The following ATP6V1C1 variants were observed in gnomAD, a reference collection of about 807,000 sequenced individuals.
ATP6V1C1 encodes the protein ATPase H+ transporting V1 subunit C1.
ATP6V1C1 carries 45 observed loss-of-function variants against 53.9 expected under a neutral mutation model. That is an observed-to-expected ratio of 0.83 (90% CI 0.66 to 1.07). The LOEUF is 1.07. Ranked by LOEUF, ATP6V1C1 falls within the 50% of genes least tolerant of loss-of-function variation. ATP6V1C1 has a pLI of 0.00. For synonymous variants in ATP6V1C1, 153 were observed against 155.2 expected (o/e 0.99, Z 0.11); for missense variants, 315 against 440.3 (o/e 0.72, Z 2.55).
intron 8 of ATP6V1C1, 108 bp from the exon 9 acceptor site, chr8:103,062,847 G>A: frequency 1.2e-6 from 1 of 820,036 alleles, no homozygotes; most frequent in Non-Finnish European, 2.0e-6. Flanking sequence ...GATTTGGGAA[G>A]GGCTATTATA....
intron 1 of ATP6V1C1, among the ~76,000 whole-genome samples, chr8:103,038,704 T>C (rs1402080339): frequency 6.6e-6 from 1 of 152,144 alleles, no homozygotes; most frequent in Non-Finnish European, 1.5e-5. Context: ...TAAAAATAGG[T>C]TGAATGAAAA....
chr8:103,028,399 G>T (rs1328305241), intron 1 of ATP6V1C1, among the ~76,000 whole-genome samples: 2 of 152,168 alleles, frequency 1.3e-5, no homozygotes, highest in African/African-American at 4.8e-5. Context: ...AAAGAAGCAG[G>T]ACTAGGGGTG....
intron 1 of ATP6V1C1, among the ~76,000 whole-genome samples, chr8:103,021,645 C>T (rs1334403684): frequency 3.5e-5 from 1 of 28,366 alleles, no homozygotes; most frequent in Non-Finnish European, 6.8e-5. Flanking sequence ...GCGCGGGTGT[C>T]GGGGGTCGGG....
At chr8:103,030,192 A>G (rs969512548) in intron 1 of ATP6V1C1, among the ~76,000 whole-genome samples, 3 of 152,118 alleles carry the variant, frequency 2.0e-5, no homozygotes, top group African/African-American at 7.2e-5. Context: ...TGTTAGTACA[A>G]AAGCAATACA....
chr8:103,034,853 G>A (rs1248552767), intron 1 of ATP6V1C1, among the ~76,000 whole-genome samples: 3 of 152,172 alleles, frequency 2.0e-5, no homozygotes, highest in Non-Finnish European at 2.9e-5. Flanking sequence ...TTACAGGTGT[G>A]AGCCACTGTG....
intron 3 of ATP6V1C1, among the ~76,000 whole-genome samples, chr8:103,046,207 TTTTA>T (rs1245832665): frequency 6.6e-6 from 1 of 152,096 alleles, no homozygotes; most frequent in African/African-American, 2.4e-5. Flanking sequence ...AGATTTTAAA[TTTTA>T]TTTATTTTTT....
At chr8:103,043,232 A>G (rs1402365693) in intron 3 of ATP6V1C1, among the ~76,000 whole-genome samples, 1 of 152,070 alleles carries the variant, frequency 6.6e-6, no homozygotes, top group Admixed American at 6.5e-5. Context: ...GAAGATTCTC[A>G]TTTCTCTACA....
At chr8:103,022,615 A>G (rs1295376406) in intron 1 of ATP6V1C1, among the ~76,000 whole-genome samples, 1 of 152,190 alleles carries the variant, frequency 6.6e-6, no homozygotes, top group Non-Finnish European at 1.5e-5. Flanking sequence ...GATTTTAAAA[A>G]GGCATTGCTA....
chr8:103,035,479 T>C (rs943455581), intron 1 of ATP6V1C1, among the ~76,000 whole-genome samples: 12 of 152,168 alleles, frequency 7.9e-5, no homozygotes, highest in Non-Finnish European at 5.9e-5. Flanking sequence ...GAGGAAAATA[T>C]GTTATAAAAA....
Position 103,040,115 on chromosome 8 carries a change from T to C in ATP6V1C1, c.-39-683T>C, listed in dbSNP as rs369548764. Among the ~76,000 whole-genome samples, 13 of 152,304 alleles carry C rather than the reference T, an allele frequency of 8.5e-5. No individual in the cohort carries two copies. In the East Asian group the frequency reaches 1.7e-3, roughly 20 times the overall value. On this transcript the variant is annotated intron_variant, in intron 1 of 12. Coordinates refer to ENST00000518738, the MANE Select transcript of ATP6V1C1 (RefSeq NM_001695.5). The stretch of plus-strand genomic sequence containing the variant: ...AATTCTTTCTCCAAGATAAAAGTTA[T>C]GCTTTTTTTTTCTTTTTTTAAATTT...
intron 5 of ATP6V1C1, among the ~76,000 whole-genome samples, chr8:103,052,420 T>C (rs1426711320): frequency 1.3e-5 from 2 of 152,128 alleles, no homozygotes; most frequent in Non-Finnish European, 2.9e-5. Flanking sequence ...AATTGAAGCC[T>C]TGTAAATAGT....
chr8:103,063,224 A>G lies in ATP6V1C1; in HGVS notation c.824A>G (p.Gln275Arg). Residue 275 changes from glutamine to arginine, a missense_variant, in exon 10 of 13, where the codon CAA (glutamine) becomes CGA (arginine). Gln to Arg is a conservative substitution (Grantham distance 43, BLOSUM62 1). Transcript: ENST00000518738. ...AGGCTTTCTACTGATAAGAAAAAAC[A>G]ATTTGTATGTGTTTTTAATATTTAG... ...MNRLSTDKKKQFGPLVRWLKV... is the reference protein window; with the variant it reads ...MNRLSTDKKKRFGPLVRWLKV... 6.3e-7 allele frequency: 1 copy of G among 1,581,362 alleles called. No individual in the cohort carries two copies. The highest frequency in any genetic ancestry group is 8.7e-7 in the Non-Finnish European group (1 of 1,154,336).
intron 3 of ATP6V1C1, among the ~76,000 whole-genome samples, chr8:103,046,440 G>T (rs1352344733): frequency 6.6e-6 from 1 of 151,958 alleles, no homozygotes; most frequent in Non-Finnish European, 1.5e-5. Context: ...TCAAACTCTT[G>T]GCCTCAAGCG....
In ATP6V1C1 at chr8:103,040,848, C is replaced by T. The variant is rs1314685918; in HGVS notation, c.12C>T (p.Phe4=). Residue 4 remains phenylalanine, a synonymous_variant, in exon 2 of 13, where the codon TTC becomes TTT. Coordinates refer to ENST00000518738, the MANE Select transcript of ATP6V1C1 (RefSeq NM_001695.5). ...ACCTAGTAACAAACATGACTGAGTT[C>T]TGGCTTATATCTGCTCCTGGGGAGA... is the stretch of plus-strand genomic sequence containing the variant. MTE[F]WLISAPGEKT... The T allele has an allele frequency of 6.2e-7, 1 of 1,613,884 alleles. No individual in the cohort carries two copies. The highest frequency in any genetic ancestry group is 8.5e-7 in the Non-Finnish European group (1 of 1,179,916).
rs1038312187 is a variant in ATP6V1C1 at position 103,045,538 on chromosome 8, AATT to A, written c.200+3140_200+3142del. On this transcript the variant is annotated intron_variant, in intron 3 of 12. Coordinates refer to ENST00000518738, the MANE Select transcript of ATP6V1C1 (RefSeq NM_001695.5). Reference sequence around the variant, plus strand: ...TAATTCCATATATTCATATAGAGCAAATTATTATTATGAATTATTATAAATATA... The same window carrying A: ...TAATTCCATATATTCATATAGAGCAAATTATTATGAATTATTATAAATATA... Among the ~76,000 whole-genome samples the A allele has an allele frequency of 2.6e-5, 4 of 152,238 alleles. No individual in the cohort carries two copies. The East Asian group carries it at 5.8e-4, about 22-fold the overall frequency.
chr8:103,032,474 C>G (rs1816815680), intron 1 of ATP6V1C1, among the ~76,000 whole-genome samples: 1 of 151,994 alleles, frequency 6.6e-6, no homozygotes, highest in Admixed American at 6.6e-5. Flanking sequence ...CTCCCCTCCC[C>G]TTCCTTTTTT....
chr8:103,040,406 A>G (rs1816975099), intron 1 of ATP6V1C1, among the ~76,000 whole-genome samples: 1 of 143,670 alleles, frequency 7.0e-6, no homozygotes, highest in Non-Finnish European at 1.5e-5. Flanking sequence ...AGAGTGAGAC[A>G]CTGTCTCAAA....
chr8:103,049,475 G>A (rs947554290), intron 4 of ATP6V1C1, among the ~76,000 whole-genome samples: 1 of 152,198 alleles, frequency 6.6e-6, no homozygotes, highest in African/African-American at 2.4e-5. Flanking sequence ...TCTGTAGCTA[G>A]AAGCCAGTAT....
At chr8:103,054,477 G>T (rs1478486741) in intron 7 of ATP6V1C1, among the ~76,000 whole-genome samples, 1 of 152,016 alleles carries the variant, frequency 6.6e-6, no homozygotes, top group Non-Finnish European at 1.5e-5. Context: ...CTCCACTGTG[G>T]CAACTTTGTG....
Sources: gnomAD v4.1 joint callset for allele counts (sites outside exome capture counted in the v4.1 genomes callset) on GRCh38, gnomAD v4.1.1 for gene constraint, MANE v1.5 for transcripts, NCBI Gene and HGNC (gene_info 2026-07-23, HGNC 2026-07-21) for gene names.